SLC35D1: variants seen among roughly 807,000 people sequenced by gnomAD.
The protein encoded by SLC35D1 is nucleotide sugar transporter SLC35D1.
Under a neutral mutation model 46.7 loss-of-function variants are expected in SLC35D1, and 31 were observed. The observed-to-expected ratio is 0.66, with a 90% CI of 0.50 to 0.90. SLC35D1 has a LOEUF of 0.90. Among genes scored for constraint, SLC35D1 ranks in the 40% least tolerant of loss-of-function variants. SLC35D1 has a pLI of 0.00. For synonymous variants in SLC35D1, 195 were observed against 164.6 expected, an observed-to-expected ratio of 1.18 and a Z score of -1.41; for missense variants, 397 against 426.2, an observed-to-expected ratio of 0.93 and a Z score of 0.60.
At chr1:67,053,614 C>G (rs1337941787) in intron 1 of SLC35D1, among the ~76,000 whole-genome samples, 197 bp downstream of exon 1, 1 of 151,902 alleles carries the variant, frequency 6.6e-6, no homozygotes. Flanking sequence ...GCGCAGGGAG[C>G]GGACCCCTGC....
chr1:67,014,005 C>G (rs1667629228), intron 10 of SLC35D1, among the ~76,000 whole-genome samples: 1 of 152,120 alleles, frequency 6.6e-6, no homozygotes. Flanking sequence ...TTGTAAAGCT[C>G]TATATGTTTT....
At chr1:67,053,733 G>A (rs1459966395) in intron 1 of SLC35D1, 78 bp downstream of exon 1, 15 of 1,321,060 alleles carry the variant, frequency 1.1e-5, no homozygotes, top group Non-Finnish European at 1.5e-5. Context: ...GGCAGTCAAA[G>A]TCCAGGGAGC....
intron 8 of SLC35D1, among the ~76,000 whole-genome samples, chr1:67,028,684 T>A (rs899053820): frequency 2.0e-5 from 3 of 152,110 alleles, no homozygotes; most frequent in Non-Finnish European, 4.4e-5. Flanking sequence ...AGAAAAAAAA[T>A]TTCTACTCCC....
At chr1:67,025,886 A>C (rs778363148) in intron 8 of SLC35D1, among the ~76,000 whole-genome samples, 32 of 152,160 alleles carry the variant, frequency 2.1e-4, no homozygotes, top group Non-Finnish European at 3.5e-4. Flanking sequence ...TAATTTTTGC[A>C]TATTGACCTT....
At chr1:66,982,040 C>T in the SLC35D1 span, 1 of 936,548 alleles carries the variant, frequency 1.1e-6, no homozygotes, top group Non-Finnish European at 1.6e-6. Flanking sequence ...AATGATAACA[C>T]ATGAGACAAA....
chr1:66,976,567 CT>C, the SLC35D1 span: 8,840 of 1,533,464 alleles, frequency 5.8e-3, 433 homozygotes, highest in African/African-American at 0.11. Context: ...AAAGGAGATT[CT>C]TAAAAGCAAG....
At chr1:66,988,446 T>TAATA in the SLC35D1 span, 1 of 152,490 alleles carries the variant, frequency 6.6e-6, no homozygotes, top group South Asian at 2.1e-4. Flanking sequence ...CTTTCTTTTC[T>TAATA]AATACCAGTT....
At chr1:66,997,537 T>TATATAA (rs1247400741), downstream of SLC35D1, among the ~76,000 whole-genome samples, 7 of 133,312 alleles carry the variant, frequency 5.3e-5, no homozygotes, top group East Asian at 6.8e-4. Flanking sequence ...TATATATATA[T>TATATAA]AACCCCTTTA....
At chr1:66,994,934 AAAG>A (rs1244354322), downstream of SLC35D1, among the ~76,000 whole-genome samples, 14 of 151,648 alleles carry the variant, frequency 9.2e-5, no homozygotes, top group Non-Finnish European at 1.8e-4. Context: ...AAAAAAAAAA[AAAG>A]AAGAAACAAC....
At chr1:66,981,647 T>C in the SLC35D1 span, 18 of 659,010 alleles carry the variant, frequency 2.7e-5, no homozygotes, top group Non-Finnish European at 3.8e-5. Flanking sequence ...CCTGGTATGA[T>C]AGATGAAGCA....
rs746143334 is a variant in SLC35D1, at chr1:67,053,846, G to T, written c.168C>A (p.Ile56=). The change falls in exon 1 of 12, where the codon ATC becomes ATA. Residue 56 remains isoleucine, a synonymous_variant. Coordinates refer to ENST00000235345, the MANE Select transcript of SLC35D1 (RefSeq NM_015139.3). ...AGFYGVSSFL[I]VVVNKSVLTN... ...TGAGCACGCTCTTATTCACCACCAC[G>T]ATCAGGAAGGAGCTCACGCCGTAAA... 2.5e-6 allele frequency: 4 copies of T among 1,613,136 alleles called. No homozygotes were observed. Among genetic ancestry groups the T allele is most frequent in the Admixed American group, 1.7e-5 (1 of 59,968 alleles).
intron 1 of SLC35D1, among the ~76,000 whole-genome samples, chr1:67,053,252 G>A (rs1208515270): frequency 2.0e-5 from 3 of 151,870 alleles, no homozygotes; most frequent in African/African-American, 7.3e-5. Flanking sequence ...GATTTCTCAA[G>A]GCAGTGCAGA....
chr1:67,050,712 G>A (rs1645300431), intron 4 of SLC35D1, among the ~76,000 whole-genome samples: 1 of 152,114 alleles, frequency 6.6e-6, no homozygotes, highest in Non-Finnish European at 1.5e-5. Flanking sequence ...CTAGAAGTGA[G>A]AAACATTAAA....
the SLC35D1 span, chr1:66,976,621 T>A: frequency 1.2e-6 from 2 of 1,604,696 alleles, no homozygotes; most frequent in South Asian, 1.1e-5. Context: ...TTGGTGAATG[T>A]GTAGCATTCT....
chr1:67,043,149 G>A (rs113843670), intron 7 of SLC35D1, among the ~76,000 whole-genome samples: 13,038 of 151,312 alleles, frequency 0.086, 872 homozygotes, highest in African/African-American at 0.19. Flanking sequence ...AGCCAAGATC[G>A]CACCATTGCA....
chr1:66,991,355 T>TCAG, the SLC35D1 span, among the ~76,000 whole-genome samples: 1 of 152,216 alleles, frequency 6.6e-6, no homozygotes, highest in Non-Finnish European at 1.5e-5. Flanking sequence ...TACATAGATG[T>TCAG]CAGTGACCAC....
At chr1:67,032,896 C>G (rs927903926) in intron 8 of SLC35D1, among the ~76,000 whole-genome samples, 3 of 152,156 alleles carry the variant, frequency 2.0e-5, no homozygotes, top group Admixed American at 6.5e-5. Context: ...TCCTCACCCC[C>G]CTACTACCCT....
rs1205150429 is a variant in SLC35D1 at position 67,001,342 on chromosome 1, G to A, written c.*2998C>T. 2.0e-5 allele frequency: 3 copies of A among 152,228 alleles called. No individual in the cohort carries two copies. The allele number at this position is 152,228 out of a possible 1,614,324, so 9.4% of individuals were successfully genotyped here. A position where few individuals can be genotyped will look rare whatever the true frequency, so the allele number is the denominator to read the frequency against. On this transcript the variant is annotated 3_prime_UTR_variant, in exon 12 of 12. Coordinates refer to ENST00000235345, the MANE Select transcript of SLC35D1 (RefSeq NM_015139.3). ...AAAAAAAAAAACTAGGTGCAAACTG[G>A]AGCCTACAAATGATTGACTCATAAA...
intron 8 of SLC35D1, among the ~76,000 whole-genome samples, chr1:67,026,649 G>T (rs1667919810): frequency 1.3e-5 from 2 of 151,968 alleles, no homozygotes; most frequent in Admixed American, 1.3e-4. Flanking sequence ...GGCTATAATA[G>T]CCCTATTATT....
Sources: allele counts gnomAD v4.1 joint callset (sites outside exome capture counted in the v4.1 genomes callset), GRCh38; gene constraint gnomAD v4.1.1; transcripts MANE v1.5; gene names NCBI Gene and HGNC (gene_info 2026-07-23, HGNC 2026-07-21).